The following ITGBL1 variants were observed in gnomAD, a reference collection of about 807,000 sequenced individuals.
ITGBL1 encodes the protein integrin beta-like protein 1.
ITGBL1 carries 51 observed loss-of-function variants against 68.5 expected under a neutral mutation model. The observed-to-expected ratio is 0.74, with a 90% CI of 0.59 to 0.94. ITGBL1 has a LOEUF of 0.94. ITGBL1 is among the 40% of genes least tolerant of loss of function. The probability of loss-of-function intolerance (pLI) is 0.00; values close to 1 mark genes in which losing one functional copy is unlikely to be tolerated. For synonymous variants in ITGBL1, 209 were observed against 227.3 expected (o/e 0.92, Z 0.72); for missense variants, 649 against 647.4 (o/e 1.00, Z -0.03).
At chr13:101,638,134 G>C (rs1226814420) in intron 7 of ITGBL1, among the ~76,000 whole-genome samples, 1 of 152,118 alleles carries the variant, frequency 6.6e-6, no homozygotes, top group Non-Finnish European at 1.5e-5. Flanking sequence ...CTAATGAAAG[G>C]GTACTTCTCA....
chr13:101,626,558 A>C (rs1316333820), intron 7 of ITGBL1, among the ~76,000 whole-genome samples: 1 of 152,022 alleles, frequency 6.6e-6, no homozygotes, highest in Non-Finnish European at 1.5e-5. Flanking sequence ...AGTTTCTACT[A>C]CCTTTATCTG....
At chr13:101,685,980 G>A (rs1375731498) in intron 7 of ITGBL1, among the ~76,000 whole-genome samples, 2 of 152,108 alleles carry the variant, frequency 1.3e-5, no homozygotes, top group Non-Finnish European at 2.9e-5. Context: ...CTGGGTTGGG[G>A]TCATTGGAGA....
chr13:101,711,611 G>A (rs568601639), intron 9 of ITGBL1: 2 of 152,226 alleles, frequency 1.3e-5, no homozygotes, highest in Non-Finnish European at 1.5e-5. Flanking sequence ...GAAGTCTTCA[G>A]TTAACTGTTT....
chr13:101,493,546 G>A (rs1377202473), intron 2 of ITGBL1, among the ~76,000 whole-genome samples: 1 of 152,096 alleles, frequency 6.6e-6, no homozygotes, highest in African/African-American at 2.4e-5. Context: ...CTTTGTCCGG[G>A]ACGTGCTTCA....
chr13:101,601,841 G>A (rs903816521), intron 7 of ITGBL1, among the ~76,000 whole-genome samples: 5 of 152,068 alleles, frequency 3.3e-5, no homozygotes, highest in Non-Finnish European at 7.4e-5. Context: ...TTGCTGAGGA[G>A]TGCTTTACTT....
At chr13:101,691,534 G>C (rs1461282200) in intron 7 of ITGBL1, among the ~76,000 whole-genome samples, 1 of 152,130 alleles carries the variant, frequency 6.6e-6, no homozygotes, top group Admixed American at 6.6e-5. Flanking sequence ...ATTTCAGTGG[G>C]TGTGTAATTA....
intron 7 of ITGBL1, among the ~76,000 whole-genome samples, chr13:101,640,315 T>C (rs1304618442): frequency 1.3e-5 from 2 of 152,202 alleles, no homozygotes; most frequent in African/African-American, 4.8e-5. Context: ...ATGTAAATTT[T>C]CTTGGATTAA....
intron 7 of ITGBL1, 123 bp downstream of exon 7, chr13:101,598,422 TTTA>T: frequency 1.4e-6 from 1 of 703,280 alleles, no homozygotes. Flanking sequence ...TTTTTTGTTT[TTTA>T]TTTTTTTATT....
At chr13:101,594,973 G>A (rs185958600) in intron 6 of ITGBL1, among the ~76,000 whole-genome samples, 19 of 152,234 alleles carry the variant, frequency 1.2e-4, no homozygotes, top group African/African-American at 3.9e-4. Context: ...ACTGGGGAGG[G>A]TAAGACATGA....
chr13:101,504,932 A>C (rs2049003597), intron 2 of ITGBL1, among the ~76,000 whole-genome samples: 1 of 152,196 alleles, frequency 6.6e-6, no homozygotes, highest in Admixed American at 6.5e-5. Flanking sequence ...CTTTTTGTAC[A>C]ATTAGGGATA....
In ITGBL1 at chr13:101,645,764, C is replaced by T. The variant is rs536681822; in HGVS notation, c.1016-46821C>T. ...TGAGGTTCATGCCCCGCAACTGCCT[C>T]ACGCAGGAGGGACACGTGGGTAAGG... is the stretch of plus-strand genomic sequence containing the variant. On this transcript the variant is annotated intron_variant, in intron 7 of 10. Transcript: ENST00000376180. Among the ~76,000 whole-genome samples, 3 of 152,226 alleles carry T rather than the reference C, an allele frequency of 2.0e-5. No individual in the cohort carries two copies. The East Asian group carries it at 5.8e-4, about 29-fold the overall frequency.
rs555843450 is a variant in ITGBL1 at position 101,536,937 on chromosome 13, A to G, written c.317-30762A>G. Among the ~76,000 whole-genome samples, 5 of 152,176 alleles carry G rather than the reference A, an allele frequency of 3.3e-5. No individual in the cohort carries two copies. The South Asian group carries it at 6.2e-4, about 19-fold the overall frequency. ...ACTGATCACATTTAATAAACTTTTA[A>G]TACATAGATATTCTTTGCTTATCTC... On this transcript the variant is annotated intron_variant, in intron 2 of 10. Coordinates refer to ENST00000376180, the MANE Select transcript of ITGBL1 (RefSeq NM_004791.3).
At chr13:101,710,511 A>G (rs973233124) in intron 9 of ITGBL1, among the ~76,000 whole-genome samples, 1 of 152,184 alleles carries the variant, frequency 6.6e-6, no homozygotes, top group African/African-American at 2.4e-5. Context: ...AGGGACTTTA[A>G]CATGGTGATG....
chr13:101,492,671 A>G, intron 2 of ITGBL1, among the ~76,000 whole-genome samples: 1 of 151,842 alleles, frequency 6.6e-6, no homozygotes, highest in South Asian at 2.1e-4. Flanking sequence ...AAAGGGTGAG[A>G]TTTTCCTTTT....
chr13:101,553,765 C>T lies in ITGBL1; in HGVS notation c.317-13934C>T, dbSNP rs184909290. Among the ~76,000 whole-genome samples the T allele has an allele frequency of 1.4e-3, 209 of 151,822 alleles. 1 individual carries two copies. The highest frequency in any genetic ancestry group is 4.4e-3 in the African/African-American group (183 of 41,400). On this transcript the variant is annotated intron_variant, in intron 2 of 10. Transcript: ENST00000376180. ...CACAAGGCATTCTCGGTGTGCCTGC[C>T]GCTGTGTCCATATTTCCCCCCTTTT...
chr13:101,545,274 A>G (rs2049799172), intron 2 of ITGBL1, among the ~76,000 whole-genome samples: 1 of 152,164 alleles, frequency 6.6e-6, no homozygotes, highest in Non-Finnish European at 1.5e-5. Context: ...AAGTAAAAAT[A>G]CTCTAAGAAT....
chr13:101,669,842 T>C (rs1332679060), intron 7 of ITGBL1, among the ~76,000 whole-genome samples: 1 of 152,214 alleles, frequency 6.6e-6, no homozygotes, highest in Non-Finnish European at 1.5e-5. Flanking sequence ...GATTCATGTC[T>C]CAGAAGTTCA....
chr13:101,677,650 C>T (rs571439260), intron 7 of ITGBL1, among the ~76,000 whole-genome samples: 1 of 152,190 alleles, frequency 6.6e-6, no homozygotes, highest in South Asian at 2.1e-4. Context: ...AAATGTATTC[C>T]CCCTTATGCT....
At chr13:101,608,838 C>T (rs2030993859) in intron 7 of ITGBL1, among the ~76,000 whole-genome samples, 1 of 151,906 alleles carries the variant, frequency 6.6e-6, no homozygotes, top group African/African-American at 2.4e-5. Flanking sequence ...AATAAATGAC[C>T]CTGCAAAATT....
Sources: gnomAD v4.1 joint callset for allele counts (sites outside exome capture counted in the v4.1 genomes callset) on GRCh38, gnomAD v4.1.1 for gene constraint, MANE v1.5 for transcripts, NCBI Gene and HGNC (gene_info 2026-07-23, HGNC 2026-07-21) for gene names.